PLAC1: variants seen among roughly 807,000 people sequenced by gnomAD.
PLAC1 encodes the protein placenta associated 1.
For missense variants in PLAC1, 136 were observed against 163.2 expected (o/e 0.83, Z 0.91); for synonymous variants, 68 against 62.1 (o/e 1.09, Z -0.44).
At chrX:134,650,011 C>T (rs1353500726) in intron 1 of PLAC1, among the ~76,000 whole-genome samples, 1 of 111,729 alleles carries the variant, frequency 9.0e-6, no homozygotes, top group African/African-American at 3.3e-5. Context: ...AGTTCCTGCC[C>T]TATACCCTGG....
At chrX:134,579,707 T>C (rs1212450499) in intron 2 of PLAC1, among the ~76,000 whole-genome samples, 1 of 111,255 alleles carries the variant, frequency 9.0e-6, no homozygotes, top group East Asian at 2.8e-4. Context: ...TGTCACAAGT[T>C]GGAGAGGGGA....
At chrX:134,755,360 G>A (rs1179995534) in intron 1 of PLAC1, among the ~76,000 whole-genome samples, 1 of 112,523 alleles carries the variant, frequency 8.9e-6, no homozygotes, top group Non-Finnish European at 1.9e-5. Context: ...TGTTAATTGA[G>A]CATTTACTTT....
chrX:134,762,844 AAAAAGAAAAG>A (rs1172942170), intron 1 of PLAC1, among the ~76,000 whole-genome samples: 1 of 104,877 alleles, frequency 9.5e-6, no homozygotes, highest in Non-Finnish European at 1.9e-5. Context: ...AAAAAAAAAA[AAAAAGAAAAG>A]AAAAGAAAAG....
intron 2 of PLAC1, among the ~76,000 whole-genome samples, chrX:134,569,160 C>T (rs771808465): frequency 7.2e-5 from 8 of 111,450 alleles, no homozygotes; most frequent in Non-Finnish European, 1.5e-4. Context: ...CCCCCTCCCT[C>T]AAGCATCTTT....
chrX:134,739,210 C>T (rs948878571), intron 1 of PLAC1, among the ~76,000 whole-genome samples: 1 of 111,997 alleles, frequency 8.9e-6, no homozygotes, highest in African/African-American at 3.2e-5. Context: ...GAGGCAATGG[C>T]TTAATGACAC....
At chrX:134,631,998 G>A (rs1304657599) in intron 1 of PLAC1, among the ~76,000 whole-genome samples, 2 of 112,300 alleles carry the variant, frequency 1.8e-5, no homozygotes, top group African/African-American at 6.5e-5. Flanking sequence ...GAACGAAATA[G>A]GCATGGCTAG....
intron 1 of PLAC1, among the ~76,000 whole-genome samples, chrX:134,656,063 C>T (rs1443105748): frequency 3.6e-5 from 4 of 112,231 alleles, no homozygotes; most frequent in Non-Finnish European, 7.5e-5. Flanking sequence ...CAACTGCCTC[C>T]TAATTGACCC....
chrX:134,754,213 CA>C (rs767591868), intron 1 of PLAC1, among the ~76,000 whole-genome samples: 2 of 112,325 alleles, frequency 1.8e-5, no homozygotes, highest in Admixed American at 1.9e-4. Flanking sequence ...TTGTCCCTAT[CA>C]ATTTATATTC....
chrX:134,722,151 G>A (rs777199660), intron 2 of PLAC1, among the ~76,000 whole-genome samples: 46 of 111,025 alleles, frequency 4.1e-4, no homozygotes, highest in Non-Finnish European at 7.7e-4. Context: ...GAACTCCTGG[G>A]CTCAAGTGAC....
chrX:134,580,848 G>A (rs1008559607), intron 2 of PLAC1, among the ~76,000 whole-genome samples: 1 of 111,538 alleles, frequency 9.0e-6, no homozygotes, highest in Non-Finnish European at 1.9e-5. Flanking sequence ...AATGAACCTC[G>A]AGACACACTG....
intron 2 of PLAC1, among the ~76,000 whole-genome samples, chrX:134,569,788 T>TGTGTGTGTTTG (rs1365028157): frequency 4.2e-5 from 2 of 47,384 alleles, no homozygotes; most frequent in Non-Finnish European, 8.0e-5. Context: ...GTGTGTGTGT[T>TGTGTGTGTTTG]TGTGTGTGTG....
At chrX:134,635,033 C>T (rs1483437147) in intron 1 of PLAC1, among the ~76,000 whole-genome samples, 1 of 111,780 alleles carries the variant, frequency 8.9e-6, no homozygotes, top group Non-Finnish European at 1.9e-5. Flanking sequence ...TGATCCTGTC[C>T]GATTGGTAGA....
intron 1 of PLAC1, among the ~76,000 whole-genome samples, chrX:134,642,150 C>G (rs2078310425): frequency 8.9e-6 from 1 of 112,446 alleles, no homozygotes; most frequent in African/African-American, 3.2e-5. Context: ...GTTGAAACCT[C>G]TAGATCCATG....
chrX:134,700,185 A>C (rs940871308), intron 2 of PLAC1, among the ~76,000 whole-genome samples: 8 of 111,675 alleles, frequency 7.2e-5, no homozygotes, highest in African/African-American at 2.6e-4. Flanking sequence ...GATTATCTGA[A>C]ATTAACTATC....
chrX:134,750,915 A>T (rs866561882), intron 1 of PLAC1, among the ~76,000 whole-genome samples: 1 of 13,133 alleles, frequency 7.6e-5, no homozygotes, highest in Non-Finnish European at 1.1e-4. Flanking sequence ...ATATATTTAT[A>T]TATATATATT....
chrX:134,566,395 A>C lies in PLAC1; in HGVS notation c.288T>G (p.Thr96=). 3 of 1,211,201 alleles carry C rather than the reference A, an allele frequency of 2.5e-6. No individual in the cohort carries two copies. Among genetic ancestry groups the C allele is most frequent in the Non-Finnish European group, 2.2e-6 (2 of 894,984 alleles). Residue 96 remains threonine (T), a synonymous_variant, in exon 3 of 3, where the codon ACT becomes ACG. Transcript: ENST00000359237. The stretch of plus-strand genomic sequence containing the variant: ...TGCCCTTAGAAGAGTAGTGTATCTC[A>C]GTGCTGTAGATAACCATGTCCTGAG... ...AVSQDMVIYS[T]EIHYSSKGTP...
chrX:134,581,710 C>T (rs1203151138), intron 2 of PLAC1, among the ~76,000 whole-genome samples: 2 of 110,498 alleles, frequency 1.8e-5, no homozygotes, highest in Non-Finnish European at 3.8e-5. Context: ...AACTCCTGAC[C>T]TCAAGTGATC....
At chrX:134,587,590 A>T (rs2078011472) in intron 2 of PLAC1, among the ~76,000 whole-genome samples, 1 of 109,561 alleles carries the variant, frequency 9.1e-6, no homozygotes, top group African/African-American at 3.3e-5. Flanking sequence ...CAAAAAAAAA[A>T]GCCTCCACTT....
intron 2 of PLAC1, among the ~76,000 whole-genome samples, chrX:134,665,112 G>A (rs1472635893): frequency 1.8e-5 from 2 of 109,309 alleles, no homozygotes; most frequent in Non-Finnish European, 3.8e-5. Flanking sequence ...GTGTGTTTGT[G>A]TGTGTGTGTG....
Sources: gnomAD v4.1 joint callset for allele counts (sites outside exome capture counted in the v4.1 genomes callset) on GRCh38, gnomAD v4.1.1 for gene constraint, MANE v1.5 for transcripts, NCBI Gene and HGNC (gene_info 2026-07-23, HGNC 2026-07-21) for gene names.